PSD3: variants seen among roughly 807,000 people sequenced by gnomAD.
The protein encoded by PSD3 is PH and SEC7 domain-containing protein 3.
A neutral mutation model predicts 105.5 loss-of-function variants in PSD3; 49 were observed. The observed-to-expected ratio is 0.46, with a 90% CI of 0.37 to 0.59. The LOEUF is 0.59. Ranked by LOEUF, PSD3 falls within the 20% of genes least tolerant of loss-of-function variation. The pLI is 0.00. For missense variants in PSD3, 1,561 were observed against 1,263.8 expected (o/e 1.24, Z -3.57); for synonymous variants, 557 against 457.8 (o/e 1.22, Z -2.77).
At chr8:18,607,798 T>A (rs909716672) in intron 11 of PSD3, among the ~76,000 whole-genome samples, 5 of 151,864 alleles carry the variant, frequency 3.3e-5, no homozygotes, top group Non-Finnish European at 7.4e-5. Context: ...GAGGTTTAAC[T>A]GACTCACAGT....
At chr8:18,745,699 C>T (rs966191367) in intron 9 of PSD3, among the ~76,000 whole-genome samples, 2 of 152,192 alleles carry the variant, frequency 1.3e-5, no homozygotes, top group Admixed American at 6.5e-5. Flanking sequence ...TAGATCCGCT[C>T]GGCAGGCAGA....
intron 1 of PSD3, among the ~76,000 whole-genome samples, chr8:19,046,053 T>C (rs971266833): frequency 6.6e-5 from 10 of 152,202 alleles, no homozygotes; most frequent in African/African-American, 1.7e-4. Flanking sequence ...CTTATAGGGA[T>C]TACACAATAA....
At chr8:18,837,868 G>T (rs1814248372) in intron 4 of PSD3, among the ~76,000 whole-genome samples, 1 of 152,166 alleles carries the variant, frequency 6.6e-6, no homozygotes, top group Non-Finnish European at 1.5e-5. Flanking sequence ...TTAAGAACAA[G>T]GATGGCTGTT....
At chr8:18,988,795 G>T (rs1233254444) in intron 1 of PSD3, among the ~76,000 whole-genome samples, 1 of 152,144 alleles carries the variant, frequency 6.6e-6, no homozygotes, top group Non-Finnish European at 1.5e-5. Flanking sequence ...TAAGAGCAGG[G>T]AAAATAACTT....
intron 1 of PSD3, among the ~76,000 whole-genome samples, chr8:18,967,690 G>T (rs1441991308): frequency 6.6e-6 from 1 of 152,106 alleles, no homozygotes; most frequent in African/African-American, 2.4e-5. Flanking sequence ...AAAGGCAAAT[G>T]ACCTCAGATG....
At chr8:18,940,589 G>A (rs1315547060) in intron 1 of PSD3, 1 of 152,120 alleles carries the variant, frequency 6.6e-6, no homozygotes, top group Non-Finnish European at 1.5e-5. Context: ...GCATTTGTGT[G>A]GAGGCTAAAG....
At chr8:18,702,438 T>C (rs1025504929) in intron 9 of PSD3, among the ~76,000 whole-genome samples, 1 of 152,204 alleles carries the variant, frequency 6.6e-6, no homozygotes, top group Admixed American at 6.5e-5. Context: ...CCTTTTTGTA[T>C]TGTGAATCAT....
At chr8:18,845,990 C>T (rs942629170) in intron 4 of PSD3, among the ~76,000 whole-genome samples, 9 of 152,118 alleles carry the variant, frequency 5.9e-5, no homozygotes, top group Non-Finnish European at 1.2e-4. Context: ...ATGAGCCTAG[C>T]GAAAGCATTC....
At position 18,801,364 on chromosome 8, in the gene PSD3, G is replaced by T. The variant is rs373439769; in HGVS notation, c.1929C>A (p.Phe643Leu). ...DQSLRYFFKAFSLVGETQERE... is the reference protein window; with the variant it reads ...DQSLRYFFKALSLVGETQERE... Reference sequence around the variant, plus strand: ...GTTCTTGAGTTTCTCCCACAAGAGAGAATGCTTTAAAGAAATACCTACAAG... The same window carrying T: ...GTTCTTGAGTTTCTCCCACAAGAGATAATGCTTTAAAGAAATACCTACAAG... Residue 643 changes from phenylalanine to leucine, a missense_variant, in exon 7 of 16, where the codon TTC (phenylalanine) becomes TTA (leucine). Phe to Leu is a conservative substitution (Grantham distance 22). Transcript: ENST00000327040. 1.7e-5 allele frequency: 27 copies of T among 1,600,344 alleles called. No homozygotes were observed. The highest frequency in any genetic ancestry group is 2.3e-5 in the Non-Finnish European group (27 of 1,170,592).
chr8:19,036,565 TA>T (rs935573652), intron 1 of PSD3, among the ~76,000 whole-genome samples: 2 of 152,140 alleles, frequency 1.3e-5, no homozygotes, highest in Non-Finnish European at 2.9e-5. Context: ...AACACAAAGA[TA>T]AGCAAACCAG....
intron 9 of PSD3, among the ~76,000 whole-genome samples, chr8:18,717,157 C>G (rs986285176): frequency 6.6e-6 from 1 of 151,904 alleles, no homozygotes; most frequent in African/African-American, 2.4e-5. Context: ...CAATATGCAA[C>G]CTAAAGCCAA....
At chr8:18,798,438 A>G (rs1810382499) in intron 8 of PSD3, among the ~76,000 whole-genome samples, 1 of 152,172 alleles carries the variant, frequency 6.6e-6, no homozygotes, top group African/African-American at 2.4e-5. Context: ...AGTCCAACTT[A>G]ATGGTCCCAT....
chr8:19,039,465 T>C (rs1249907577), intron 1 of PSD3, among the ~76,000 whole-genome samples: 2 of 152,158 alleles, frequency 1.3e-5, no homozygotes, highest in Admixed American at 6.5e-5. Flanking sequence ...TCCTGACTCT[T>C]AGAGATGCTA....
chr8:18,734,612 T>C (rs959929679), intron 9 of PSD3, among the ~76,000 whole-genome samples: 1 of 152,136 alleles, frequency 6.6e-6, no homozygotes, highest in Non-Finnish European at 1.5e-5. Context: ...ACACGGCAAA[T>C]AAAGTCCCCG....
At chr8:18,970,854 C>G (rs1824605888) in intron 1 of PSD3, among the ~76,000 whole-genome samples, 1 of 151,794 alleles carries the variant, frequency 6.6e-6, no homozygotes, top group African/African-American at 2.4e-5. Context: ...ACTTGGGAGG[C>G]TGTAGTCCCA....
At chr8:18,673,874 G>A (rs1160669057) in intron 9 of PSD3, among the ~76,000 whole-genome samples, 1 of 152,114 alleles carries the variant, frequency 6.6e-6, no homozygotes, top group African/African-American at 2.4e-5. Context: ...GGGCATGCTG[G>A]CTCATACCTG....
intron 4 of PSD3, among the ~76,000 whole-genome samples, chr8:18,865,552 T>C (rs1332156795): frequency 2.0e-5 from 3 of 152,022 alleles, no homozygotes; most frequent in Admixed American, 6.5e-5. Flanking sequence ...TAACCACTTA[T>C]TATCATATGC....
At chr8:19,058,995 T>C (rs1828800401) in intron 1 of PSD3, among the ~76,000 whole-genome samples, 1 of 152,186 alleles carries the variant, frequency 6.6e-6, no homozygotes, top group African/African-American at 2.4e-5. Context: ...AGATATAGCA[T>C]ATATGGCTGG....
intron 15 of PSD3, among the ~76,000 whole-genome samples, chr8:18,554,427 G>C (rs1315828459): frequency 6.6e-6 from 1 of 152,040 alleles, no homozygotes; most frequent in Non-Finnish European, 1.5e-5. Context: ...TGCTGGTAAG[G>C]CTTCTACGGT....
Sources: allele counts gnomAD v4.1 joint callset (sites outside exome capture counted in the v4.1 genomes callset), GRCh38; gene constraint gnomAD v4.1.1; transcripts MANE v1.5; gene names NCBI Gene and HGNC (gene_info 2026-07-23, HGNC 2026-07-21).